GTF2IRD1: variants seen among roughly 807,000 people sequenced by gnomAD.
GTF2IRD1 encodes the protein general transcription factor II-I repeat domain-containing protein 1.
GTF2IRD1 carries 26 observed loss-of-function variants against 113.2 expected under a neutral mutation model. The ratio of observed to expected loss-of-function variants is 0.23; its 90% CI spans 0.17 to 0.32. The LOEUF is 0.32. Among genes scored for constraint, GTF2IRD1 ranks in the 10% least tolerant of loss-of-function variants. The probability of loss-of-function intolerance (pLI) is 1.00; values close to 1 mark genes in which losing one functional copy is unlikely to be tolerated. For missense variants in GTF2IRD1, 864 were observed against 1,280.8 expected, an observed-to-expected ratio of 0.67 and a Z score of 4.97; for synonymous variants, 484 against 529.1, an observed-to-expected ratio of 0.91 and a Z score of 1.17.
At chr7:74,503,809 A>G (rs1796158981) in intron 1 of GTF2IRD1, among the ~76,000 whole-genome samples, 1 of 152,172 alleles carries the variant, frequency 6.6e-6, no homozygotes, top group Admixed American at 6.5e-5. Flanking sequence ...TTTGTTACAA[A>G]GGTATATTGT....
At chr7:74,588,106 CTTTTTTTT>C (rs781908698) in intron 22 of GTF2IRD1, among the ~76,000 whole-genome samples, 1 of 135,024 alleles carries the variant, frequency 7.4e-6, no homozygotes, top group Admixed American at 7.5e-5. Flanking sequence ...CTTTTCTTTT[CTTTTTTTT>C]TTTTTTTTTT....
chr7:74,554,469 G>A (rs1328165212), intron 17 of GTF2IRD1, among the ~76,000 whole-genome samples: 4 of 152,218 alleles, frequency 2.6e-5, no homozygotes, highest in Non-Finnish European at 5.9e-5. Context: ...GCTCTCAGAC[G>A]TGAGCCGTAG....
In GTF2IRD1 at chr7:74,558,892, G is replaced by A. The variant is rs587632226; in HGVS notation, c.2139G>A (p.Gln713=). 201 of 1,613,820 alleles carry A rather than the reference G, an allele frequency of 1.2e-4. 3 individuals are homozygous for A. In the South Asian group the frequency reaches 2.2e-3, roughly 17 times the overall value. ...GEALGIKYPV[Q]VPYKRIKSNP... is the part of the protein sequence containing the mutation. ...CCTTGGGCATCAAGTACCCGGTCCA[G>A]GTCCCCTACAAGCGGATCAAGAGTA... is the stretch of plus-strand genomic sequence containing the variant. Residue 713 remains glutamine, a synonymous_variant, in exon 21 of 27, where the codon CAG becomes CAA. Coordinates refer to ENST00000424337, the MANE Select transcript of GTF2IRD1 (RefSeq NM_005685.4).
chr7:74,574,150 A>ATTTTTTTTTTTTTTTTT (rs71094796), intron 22 of GTF2IRD1, among the ~76,000 whole-genome samples: 5 of 104,826 alleles, frequency 4.8e-5, no homozygotes, highest in Non-Finnish European at 9.4e-5. Context: ...CACCAAGCTA[A>ATTTTTTTTTTTTTTTTT]TTTTTTTTTT....
At chr7:74,466,843 C>T (rs1409041466) in intron 1 of GTF2IRD1, among the ~76,000 whole-genome samples, 2 of 152,122 alleles carry the variant, frequency 1.3e-5, no homozygotes, top group African/African-American at 4.8e-5. Context: ...GACCTTAGCA[C>T]CCTGCCTGTT....
At position 74,600,912 on chromosome 7, in the gene GTF2IRD1, G is replaced by A. The variant is rs183035402; in HGVS notation, c.2630-132G>A. ...CTGGACAGGTGGGCCCTGACCCCCAGGGGATCAGGAGCCTGAAATCCTGAA... is the reference window on the plus strand; with the variant it reads ...CTGGACAGGTGGGCCCTGACCCCCAAGGGATCAGGAGCCTGAAATCCTGAA... On this transcript the variant is annotated intron_variant, in intron 25 of 26. Coordinates refer to ENST00000424337, the MANE Select transcript of GTF2IRD1 (RefSeq NM_005685.4). 8.4e-6 allele frequency: 8 copies of A among 957,800 alleles called. No homozygotes were observed. The African/African-American group carries it at 1.3e-4, about 15-fold the overall frequency. The allele number at this position is 957,800 out of a possible 1,614,324, so 59.3% of individuals were successfully genotyped here.
chr7:74,495,806 G>A (rs548521059), intron 1 of GTF2IRD1, among the ~76,000 whole-genome samples: 183 of 152,360 alleles, frequency 1.2e-3, no homozygotes, highest in African/African-American at 4.3e-3. Context: ...CCAGGGGCCT[G>A]CAGACTGGAG....
chr7:74,555,081 AG>A lies in GTF2IRD1; in HGVS notation c.1917-90del. The A allele has an allele frequency of 8.7e-7, 1 of 1,144,108 alleles. No individual in the cohort carries two copies. The highest frequency in any genetic ancestry group is 1.3e-6 in the Non-Finnish European group (1 of 782,248). 70.9% of individuals were successfully genotyped at this position (1,144,108 alleles called of 1,614,324 possible). On this transcript the variant is annotated intron_variant, in intron 17 of 26. Transcript: ENST00000424337. This position sits in a 1 kb window ranked among gnomAD's most constrained non-coding sequence, Gnocchi z 5.3. Reference sequence around the variant, plus strand: ...ATGCATAGCCAGAAGGGTCCATTGCAGGGCTGTGTAGACTGAGGCCCAGAGA... The same window carrying A: ...ATGCATAGCCAGAAGGGTCCATTGCAGGCTGTGTAGACTGAGGCCCAGAGA...
chr7:74,500,337 G>A (rs1795960765), intron 1 of GTF2IRD1, among the ~76,000 whole-genome samples: 1 of 151,996 alleles, frequency 6.6e-6, no homozygotes, highest in African/African-American at 2.4e-5. Context: ...CTAGCACTTT[G>A]GGAGGGAGGC....
intron 22 of GTF2IRD1, among the ~76,000 whole-genome samples, chr7:74,562,440 T>A (rs1800027096): frequency 6.6e-6 from 1 of 151,890 alleles, no homozygotes; most frequent in Non-Finnish European, 1.5e-5. Flanking sequence ...ATCTGAGCCT[T>A]CACTTCCTTA....
chr7:74,512,769 A>T lies in GTF2IRD1; in HGVS notation c.124-61A>T. 6.5e-7 allele frequency: 1 copy of T among 1,547,918 alleles called. No homozygotes were observed. The highest frequency in any genetic ancestry group is 8.8e-7 in the Non-Finnish European group (1 of 1,132,264). On this transcript the variant is annotated intron_variant, in intron 2 of 26. Transcript: ENST00000424337. This position sits in a 1 kb window ranked among gnomAD's most constrained non-coding sequence, Gnocchi z 4.4. ...AGCTCACATCCCACCCCCGAAGTGGATACTAGAGGTGTTCGGAGTATGGGG... is the reference window on the plus strand; with the variant it reads ...AGCTCACATCCCACCCCCGAAGTGGTTACTAGAGGTGTTCGGAGTATGGGG...
intron 17 of GTF2IRD1, among the ~76,000 whole-genome samples, chr7:74,547,755 CTTTTT>C (rs587743253): frequency 2.6e-4 from 30 of 114,236 alleles, no homozygotes; most frequent in African/African-American, 8.4e-4. Flanking sequence ...TTCTCTCTCT[CTTTTT>C]TTTTTTTTTT....
At chr7:74,459,312 G>A (rs1408325590) in intron 1 of GTF2IRD1, among the ~76,000 whole-genome samples, 2 of 152,082 alleles carry the variant, frequency 1.3e-5, no homozygotes, top group East Asian at 3.9e-4. Flanking sequence ...ACAAAAATTA[G>A]CCAGGCGTAG....
chr7:74,537,620 TA>T (rs1554350538), intron 11 of GTF2IRD1, among the ~76,000 whole-genome samples: 2 of 152,102 alleles, frequency 1.3e-5, no homozygotes, highest in African/African-American at 4.8e-5. Flanking sequence ...TCTGACCTCT[TA>T]GGGGCAGGGG....
intron 25 of GTF2IRD1, among the ~76,000 whole-genome samples, chr7:74,597,408 C>T (rs1482754132): frequency 7.1e-6 from 1 of 140,124 alleles, no homozygotes; most frequent in Non-Finnish European, 1.5e-5. Flanking sequence ...GTCAATCTTG[C>T]GATCTTGGCT....
At chr7:74,601,396 G>T in intron 26 of GTF2IRD1, 1 of 1,498,922 alleles carries the variant, frequency 6.7e-7, no homozygotes, top group South Asian at 1.3e-5. Flanking sequence ...CACTCAGGCA[G>T]GAATTCACAT....
chr7:74,599,411 C>T (rs1465997720), intron 25 of GTF2IRD1, among the ~76,000 whole-genome samples: 1 of 152,222 alleles, frequency 6.6e-6, no homozygotes, highest in African/African-American at 2.4e-5. Context: ...CTGCTGACCC[C>T]TCCTCCGTGC....
At chr7:74,545,698 G>A in intron 15 of GTF2IRD1, 46 bp from the exon 16 acceptor site, 1 of 1,473,886 alleles carries the variant, frequency 6.8e-7, no homozygotes, top group Non-Finnish European at 9.5e-7. Context: ...CATCAGCCGA[G>A]AAGCTGCCAC....
At chr7:74,585,874 AAG>A (rs1235333546) in intron 22 of GTF2IRD1, among the ~76,000 whole-genome samples, 1 of 151,658 alleles carries the variant, frequency 6.6e-6, no homozygotes, top group Non-Finnish European at 1.5e-5. Context: ...GTGACAGAGC[AAG>A]ACTCTTCCAA....
Sources: gnomAD v4.1 joint callset for allele counts (sites outside exome capture counted in the v4.1 genomes callset) on GRCh38, gnomAD v4.1.1 for gene constraint, Gnocchi (gnomAD v3.1) non-coding constraint, MANE v1.5 for transcripts, NCBI Gene and HGNC (gene_info 2026-07-23, HGNC 2026-07-21) for gene names.